The following BTF3L4 variants were observed in gnomAD, a reference collection of about 807,000 sequenced individuals.
The protein encoded by BTF3L4 is transcription factor BTF3 homolog 4.
Under a neutral mutation model 16.8 loss-of-function variants are expected in BTF3L4, and 6 were observed. That is an observed-to-expected ratio of 0.36 (90% CI 0.20 to 0.71). The LOEUF (loss-of-function observed/expected upper bound fraction) is 0.71. Ranked by LOEUF, BTF3L4 falls within the 30% of genes least tolerant of loss-of-function variation. The pLI is 0.58. For synonymous variants in BTF3L4, 39 were observed against 59.8 expected, an observed-to-expected ratio of 0.65 and a Z score of 1.60; for missense variants, 92 against 186.9, an observed-to-expected ratio of 0.49 and a Z score of 2.96.
intron 2 of BTF3L4, among the ~76,000 whole-genome samples, chr1:52,062,909 C>T (rs947725736): frequency 7.6e-6 from 1 of 131,506 alleles, no homozygotes; most frequent in Admixed American, 8.2e-5. Flanking sequence ...AGTGCGCATC[C>T]TAGTTTCCTC....
intron 4 of BTF3L4, among the ~76,000 whole-genome samples, chr1:52,085,572 G>C (rs12402478): frequency 1.3e-5 from 2 of 151,876 alleles, no homozygotes; most frequent in East Asian, 3.9e-4. Flanking sequence ...TTTGTAGGCC[G>C]TGTGTGGTGG....
At chr1:52,083,631 G>C in intron 4 of BTF3L4, 90 bp downstream of exon 4, 1 of 1,013,818 alleles carries the variant, frequency 9.9e-7, no homozygotes, top group Admixed American at 2.3e-5. Flanking sequence ...ATTTGGATTT[G>C]CCTGTATGTA....
chr1:52,060,376 A>G (rs970316245), intron 2 of BTF3L4: 49 of 929,702 alleles, frequency 5.3e-5, no homozygotes, highest in Middle Eastern at 3.5e-4. Flanking sequence ...CTACTTGTAC[A>G]GAGGTTTAGC....
Position 52,058,677 on chromosome 1 carries a change from C to T in BTF3L4, c.-13-1158C>T, listed in dbSNP as rs556024471. ...AGTGCAATGGCATGATCTTGGCTCA[C>T]CGCAACCTCCGCCTCCCGGGTTCAG... On this transcript the variant is annotated intron_variant, in intron 1 of 5. Coordinates refer to ENST00000313334, the MANE Select transcript of BTF3L4 (RefSeq NM_152265.5). Among the ~76,000 whole-genome samples, 4 of 152,120 alleles carry T rather than the reference C, an allele frequency of 2.6e-5. No homozygotes were observed. The East Asian group carries it at 7.7e-4, about 29-fold the overall frequency.
intron 3 of BTF3L4, among the ~76,000 whole-genome samples, chr1:52,081,040 A>T (rs925245410): frequency 7.9e-5 from 12 of 151,016 alleles, no homozygotes; most frequent in Non-Finnish European, 8.8e-5. Context: ...GGGTTTCACC[A>T]TGTTGGCCAG....
intron 3 of BTF3L4, among the ~76,000 whole-genome samples, chr1:52,079,087 C>G (rs1216995399): frequency 6.6e-6 from 1 of 152,102 alleles, no homozygotes; most frequent in Non-Finnish European, 1.5e-5. Context: ...CCTTCTTTTA[C>G]CCAAAATGGT....
At chr1:52,086,582 T>A in intron 5 of BTF3L4, 130 bp from the exon 6 acceptor site, 2 of 559,564 alleles carry the variant, frequency 3.6e-6, no homozygotes, top group Non-Finnish European at 6.4e-6. Flanking sequence ...CATTTCTGCC[T>A]CCTTATGTTT....
chr1:52,062,158 C>A (rs1686529463), intron 2 of BTF3L4, among the ~76,000 whole-genome samples: 1 of 142,888 alleles, frequency 7.0e-6, no homozygotes, highest in African/African-American at 2.6e-5. Flanking sequence ...CCAGGATGGT[C>A]TTGCTTGATC....
chr1:52,085,013 C>CTCT lies in BTF3L4; in HGVS notation c.371-1098_371-1097insCTT, dbSNP rs1271594843. ...TTACACCAAAAGAAATGAAAAAAAT[C>CTCT]TTTTTTTTTTTTTTTTTTTTTTTTT... On this transcript the variant is annotated intron_variant, in intron 4 of 5. Coordinates refer to ENST00000313334, the MANE Select transcript of BTF3L4 (RefSeq NM_152265.5). Among the ~76,000 whole-genome samples, 117 of 58,574 alleles carry CTCT rather than the reference C, an allele frequency of 2.0e-3. 2 individuals are homozygous for CTCT. Among genetic ancestry groups the CTCT allele is most frequent in the African/African-American group, 7.8e-3 (115 of 14,774 alleles). 38.4% of individuals were successfully genotyped at this position (58,574 alleles called of 152,430 possible). A position where few individuals can be genotyped will look rare whatever the true frequency, so the allele number is the denominator to read the frequency against.
In BTF3L4 at chr1:52,090,187, C is replaced by G. The variant is rs575472253; in HGVS notation, c.*3429C>G. On this transcript the variant is annotated 3_prime_UTR_variant, in exon 6 of 6. Transcript: ENST00000313334. Reference sequence around the variant, plus strand: ...TAGACTGCAGTGTGAATAGTGTCCTCCATTAATAATGCAATGATGGCCTTG... The same window carrying G: ...TAGACTGCAGTGTGAATAGTGTCCTGCATTAATAATGCAATGATGGCCTTG... 6.6e-6 allele frequency: 1 copy of G among 152,242 alleles called. No homozygotes were observed. The highest frequency in any genetic ancestry group is 2.1e-4 in the South Asian group (1 of 4,816). 9.4% of individuals were successfully genotyped at this position (152,242 alleles called of 1,614,324 possible). A position where few individuals can be genotyped will look rare whatever the true frequency, so the allele number is the denominator to read the frequency against.
intron 4 of BTF3L4, among the ~76,000 whole-genome samples, chr1:52,085,129 T>C (rs1380122442): frequency 6.9e-6 from 1 of 145,960 alleles, no homozygotes; most frequent in Non-Finnish European, 1.5e-5. Flanking sequence ...CAAGCAATTA[T>C]CTGCCTCAGC....
At chr1:52,082,636 G>A (rs781732862) in intron 3 of BTF3L4, among the ~76,000 whole-genome samples, 1 of 152,048 alleles carries the variant, frequency 6.6e-6, no homozygotes, top group Non-Finnish European at 1.5e-5. Context: ...CAGGTTGGGA[G>A]GCTGAGGGAG....
rs377112412 is a variant in BTF3L4 at position 52,090,102 on chromosome 1, G to A, written c.*3344G>A. 4.6e-5 allele frequency: 7 copies of A among 152,208 alleles called. No homozygotes were observed. The highest frequency in any genetic ancestry group is 9.6e-5 in the African/African-American group (4 of 41,524). The allele number at this position is 152,208 out of a possible 1,614,324, so 9.4% of individuals were successfully genotyped here. Reference sequence around the variant, plus strand: ...GTAACCTTTCTGACAGGGCTGCTGCGGTGCACAACTTCGGGAGCCATCACT... The same window carrying A: ...GTAACCTTTCTGACAGGGCTGCTGCAGTGCACAACTTCGGGAGCCATCACT... On this transcript the variant is annotated 3_prime_UTR_variant, in exon 6 of 6. Coordinates refer to ENST00000313334, the MANE Select transcript of BTF3L4 (RefSeq NM_152265.5).
Position 52,087,073 on chromosome 1 carries a change from G to C in BTF3L4, c.*315G>C, listed in dbSNP as rs544629538. On this transcript the variant is annotated 3_prime_UTR_variant, in exon 6 of 6. Coordinates refer to ENST00000313334, the MANE Select transcript of BTF3L4 (RefSeq NM_152265.5). ...TATGTTTATGTATGTGTGTGGGTATGTGTGTATACAGTGGAGAGCAAATTG... is the reference window on the plus strand; with the variant it reads ...TATGTTTATGTATGTGTGTGGGTATCTGTGTATACAGTGGAGAGCAAATTG... The C allele has an allele frequency of 4.4e-6, 1 of 225,478 alleles. No homozygotes were observed. Among genetic ancestry groups the C allele is most frequent in the East Asian group, 8.5e-5 (1 of 11,730 alleles). The allele number at this position is 225,478 out of a possible 1,614,324, so 14.0% of individuals were successfully genotyped here.
chr1:52,064,771 G>A lies in BTF3L4; in HGVS notation c.55-54G>A, dbSNP rs567257945. 3 of 1,056,134 alleles carry A rather than the reference G, an allele frequency of 2.8e-6. No individual in the cohort carries two copies. In the South Asian group the frequency reaches 4.2e-5, roughly 15 times the overall value. The allele number at this position is 1,056,134 out of a possible 1,614,324, so 65.4% of individuals were successfully genotyped here. A position where few individuals can be genotyped will look rare whatever the true frequency, so the allele number is the denominator to read the frequency against. ...TTGTGATACGTAAGATGTGATTGCA[G>A]TTGCCAGATGCCAGGCATGCTAACA... On this transcript the variant is annotated intron_variant, in intron 2 of 5. Coordinates refer to ENST00000313334, the MANE Select transcript of BTF3L4 (RefSeq NM_152265.5).
At chr1:52,083,113 A>G (rs1032799495) in intron 3 of BTF3L4, among the ~76,000 whole-genome samples, 2 of 152,188 alleles carry the variant, frequency 1.3e-5, no homozygotes, top group African/African-American at 4.8e-5. Context: ...TCTAGATTCT[A>G]TAATGAATTG....
intron 4 of BTF3L4, among the ~76,000 whole-genome samples, chr1:52,084,421 G>A (rs182573640): frequency 1.3e-5 from 2 of 152,122 alleles, no homozygotes; most frequent in East Asian, 3.9e-4. Flanking sequence ...TAGGATTACA[G>A]GCGTGAGCTA....
At chr1:52,080,121 C>T (rs960440463) in intron 3 of BTF3L4, among the ~76,000 whole-genome samples, 7 of 152,136 alleles carry the variant, frequency 4.6e-5, no homozygotes, top group Non-Finnish European at 1.0e-4. Flanking sequence ...ATCCACCCGC[C>T]TCAGCCTCCC....
chr1:52,085,013 CTTTTTTT>C (rs764763479), intron 4 of BTF3L4, among the ~76,000 whole-genome samples: 2 of 58,530 alleles, frequency 3.4e-5, no homozygotes, highest in African/African-American at 6.8e-5. Context: ...TGAAAAAAAT[CTTTTTTT>C]TTTTTTTTTT....
Sources: allele counts gnomAD v4.1 joint callset (sites outside exome capture counted in the v4.1 genomes callset), GRCh38; gene constraint gnomAD v4.1.1; transcripts MANE v1.5; gene names NCBI Gene and HGNC (gene_info 2026-07-23, HGNC 2026-07-21).